APBB2: variants seen among roughly 807,000 people sequenced by gnomAD.
APBB2 encodes the protein amyloid beta precursor protein binding family B member 2, also known as Fe65-like 1.
In APBB2, 38 loss-of-function variants were observed where a neutral mutation model predicts 82.5. That is an observed-to-expected ratio of 0.46 (90% CI 0.36 to 0.60). APBB2 has a LOEUF of 0.60. Among genes scored for constraint, APBB2 ranks in the 20% least tolerant of loss-of-function variants. The pLI, the probability that APBB2 is intolerant of heterozygous loss-of-function variation, is 0.00. For missense variants in APBB2, 772 were observed against 972.3 expected (o/e 0.79, Z 2.74); for synonymous variants, 341 against 368.2 (o/e 0.93, Z 0.85).
intron 6 of APBB2, among the ~76,000 whole-genome samples, chr4:41,001,221 TACA>T (rs1188774949): frequency 6.6e-6 from 1 of 152,138 alleles, no homozygotes; most frequent in Non-Finnish European, 1.5e-5. Flanking sequence ...CATTTTCCCC[TACA>T]ACATTTTGGG....
In APBB2 at chr4:40,987,125, A is replaced by G. The variant is rs181486702; in HGVS notation, c.835+26458T>C. On this transcript the variant is annotated intron_variant, in intron 6 of 17. Coordinates refer to ENST00000508593, the MANE Select transcript of APBB2 (RefSeq NM_004307.2). ...AGAAATTACTATTATCCTTAAGAGA[A>G]GTAGTAGGTAAAAATTTTAACTCTT... 3.2e-3 allele frequency among the ~76,000 whole-genome samples: 489 copies of G among 152,348 alleles called. 2 individuals are homozygous for G. Among genetic ancestry groups the G allele is most frequent in the African/African-American group, 0.011 (453 of 41,578 alleles).
intron 1 of APBB2, among the ~76,000 whole-genome samples, chr4:41,148,005 T>C (rs896877337): frequency 3.3e-5 from 5 of 152,166 alleles, no homozygotes; most frequent in African/African-American, 9.7e-5. Flanking sequence ...TTTACAGTAT[T>C]GATAAATTTA....
intron 2 of APBB2, among the ~76,000 whole-genome samples, chr4:41,108,370 A>G (rs1021476022): frequency 3.9e-5 from 6 of 152,222 alleles, no homozygotes; most frequent in Non-Finnish European, 7.3e-5. Context: ...TTTCTTAAAA[A>G]AAAAAGAAAT....
At chr4:41,091,864 C>T (rs1741832683) in intron 3 of APBB2, among the ~76,000 whole-genome samples, 1 of 152,178 alleles carries the variant, frequency 6.6e-6, no homozygotes, top group Non-Finnish European at 1.5e-5. Context: ...AGGAACTTAA[C>T]AGCAAGGTAA....
At chr4:40,934,563 A>G (rs1315390245) in intron 9 of APBB2, 47 bp from the exon 10 acceptor site, 3 of 1,611,800 alleles carry the variant, frequency 1.9e-6, no homozygotes, top group Admixed American at 3.3e-5. Context: ...ATTGCAAACT[A>G]TCTGCACAAA....
chr4:40,878,982 C>A (rs1767637700), intron 12 of APBB2, among the ~76,000 whole-genome samples: 1 of 152,050 alleles, frequency 6.6e-6, no homozygotes, highest in South Asian at 2.1e-4. Flanking sequence ...TAATTCTTGT[C>A]TTTGATTTCC....
intron 6 of APBB2, among the ~76,000 whole-genome samples, chr4:40,956,472 A>C (rs1410333076): frequency 6.6e-6 from 1 of 152,228 alleles, no homozygotes. Flanking sequence ...AGCCTGCCTG[A>C]AGAGTTTCAA....
chr4:40,870,710 T>A (rs906460145), intron 12 of APBB2, among the ~76,000 whole-genome samples: 1 of 150,846 alleles, frequency 6.6e-6, no homozygotes, highest in Non-Finnish European at 1.5e-5. Context: ...TATACATATA[T>A]GTGTGTGTGT....
chr4:40,882,977 G>T (rs112967180), intron 12 of APBB2, among the ~76,000 whole-genome samples: 24 of 152,296 alleles, frequency 1.6e-4, no homozygotes, highest in Non-Finnish European at 2.6e-4. Context: ...AGGTACGCAA[G>T]TTCCAGGTGT....
At chr4:41,203,627 G>C (rs1384140688) in intron 1 of APBB2, among the ~76,000 whole-genome samples, 2 of 152,116 alleles carry the variant, frequency 1.3e-5, no homozygotes, top group Non-Finnish European at 2.9e-5. Flanking sequence ...GAAATGCCAC[G>C]AATACAGAGA....
intron 5 of APBB2, among the ~76,000 whole-genome samples, chr4:41,016,054 C>T (rs1015215212): frequency 6.6e-6 from 1 of 152,130 alleles, no homozygotes; most frequent in African/African-American, 2.4e-5. Flanking sequence ...TACCTGAAAC[C>T]TACATGAAGT....
chr4:40,872,420 G>GC (rs1765769993), intron 12 of APBB2, among the ~76,000 whole-genome samples: 1 of 152,174 alleles, frequency 6.6e-6, no homozygotes, highest in African/African-American at 2.4e-5. Flanking sequence ...CATAACACTG[G>GC]CATAGGGCTT....
chr4:41,132,619 A>G (rs911515727), intron 2 of APBB2, among the ~76,000 whole-genome samples: 5 of 152,182 alleles, frequency 3.3e-5, no homozygotes, highest in Non-Finnish European at 7.3e-5. Flanking sequence ...CTTCAAACAC[A>G]CTTCAGCAAG....
chr4:40,980,510 G>A lies in APBB2; in HGVS notation c.835+33073C>T, dbSNP rs1249957412. Among the ~76,000 whole-genome samples, 3 of 151,936 alleles carry A rather than the reference G, an allele frequency of 2.0e-5. No individual in the cohort carries two copies. The East Asian group carries it at 5.8e-4, about 29-fold the overall frequency. On this transcript the variant is annotated intron_variant, in intron 6 of 17. Coordinates refer to ENST00000508593, the MANE Select transcript of APBB2 (RefSeq NM_004307.2). ...GGAAGAATGCCCACACAGGACCCAC[G>A]AGGGGGCACTGCAGAGCCAACTGCA...
chr4:41,208,089 G>T (rs182231872), intron 1 of APBB2, among the ~76,000 whole-genome samples: 1 of 152,250 alleles, frequency 6.6e-6, no homozygotes, highest in Admixed American at 6.5e-5. Context: ...TTTATATTGT[G>T]TGGAAACTGA....
At chr4:40,844,094 T>C (rs1756786030) in intron 12 of APBB2, among the ~76,000 whole-genome samples, 1 of 152,178 alleles carries the variant, frequency 6.6e-6, no homozygotes, top group African/African-American at 2.4e-5. Flanking sequence ...TGAACTTTTG[T>C]AGGGAAAGAG....
chr4:41,064,606 T>G (rs533499086), intron 4 of APBB2, among the ~76,000 whole-genome samples: 2 of 152,064 alleles, frequency 1.3e-5, no homozygotes, highest in Non-Finnish European at 2.9e-5. Flanking sequence ...GAAATAAACA[T>G]AGATCATTAA....
intron 1 of APBB2, among the ~76,000 whole-genome samples, chr4:41,162,769 G>A (rs1201155220): frequency 3.9e-5 from 6 of 152,088 alleles, no homozygotes; most frequent in African/African-American, 7.2e-5. Flanking sequence ...GTGGGAGGAC[G>A]GCTTGCTGGA....
chr4:40,954,069 G>A (rs1341963598), intron 6 of APBB2, among the ~76,000 whole-genome samples: 1 of 152,170 alleles, frequency 6.6e-6, no homozygotes, highest in African/African-American at 2.4e-5. Context: ...CTAGGGGCCT[G>A]GCTTCTGAAC....
Sources: allele counts gnomAD v4.1 joint callset (sites outside exome capture counted in the v4.1 genomes callset), GRCh38; gene constraint gnomAD v4.1.1; transcripts MANE v1.5; gene names NCBI Gene and HGNC (gene_info 2026-07-23, HGNC 2026-07-21).